Variants in CDK13 observed in about 807,000 individuals in gnomAD.
The protein encoded by CDK13 is cyclin-dependent kinase 13.
In CDK13, 40 loss-of-function variants were observed where a neutral mutation model predicts 137.6. The observed-to-expected ratio is 0.29, with a 90% CI of 0.23 to 0.38. The LOEUF (loss-of-function observed/expected upper bound fraction) is 0.38, where lower values mean the gene tolerates loss of function less well. Among genes scored for constraint, CDK13 ranks in the 10% least tolerant of loss-of-function variants. The pLI, the probability that CDK13 is intolerant of heterozygous loss-of-function variation, is 1.00. For synonymous variants in CDK13, 869 were observed against 760.1 expected (o/e 1.14, Z -2.36); for missense variants, 1,704 against 1,951.8 (o/e 0.87, Z 2.39).
rs1786967641 is a variant in CDK13, at chr7:40,093,253, C to T, written c.3688+16C>T. 3 of 1,581,688 alleles carry T rather than the reference C, an allele frequency of 1.9e-6. No homozygotes were observed. The highest frequency in any genetic ancestry group is 4.5e-5 in the East Asian group (2 of 44,692). On this transcript the variant is annotated intron_variant, in intron 13 of 13. Transcript: ENST00000181839. ...CCGGTGTCGGGTAAGTGTGCAGATA[C>T]CAGACCACTAACACAGCTGCATTAC...
At chr7:40,032,257 G>A (rs1256085698) in intron 5 of CDK13, among the ~76,000 whole-genome samples, 1 of 152,150 alleles carries the variant, frequency 6.6e-6, no homozygotes, top group Admixed American at 6.6e-5. Context: ...TTTTTGGAGA[G>A]ACAGGGTTTT....
chr7:39,966,716 G>T lies in CDK13; in HGVS notation c.1211+14864G>T, dbSNP rs535292820. On this transcript the variant is annotated intron_variant, in intron 1 of 13. Coordinates refer to ENST00000181839, the MANE Select transcript of CDK13 (RefSeq NM_003718.5). ...GATTTTTAGATTTTTCAGTTTTTCC[G>T]CTCTGTTTTTCCCCATCTTTGTGGT... Among the ~76,000 whole-genome samples, 9 of 152,144 alleles carry T rather than the reference G, an allele frequency of 5.9e-5. No homozygotes were observed. In the South Asian group the frequency reaches 1.9e-3, roughly 32 times the overall value.
At chr7:40,011,655 A>G (rs1364701455) in intron 5 of CDK13, among the ~76,000 whole-genome samples, 3 of 152,216 alleles carry the variant, frequency 2.0e-5, no homozygotes, top group Non-Finnish European at 4.4e-5. Context: ...AGTGACTTAA[A>G]TGTAAGCACT....
intron 12 of CDK13, among the ~76,000 whole-genome samples, chr7:40,089,765 CT>C (rs1786879782): frequency 6.8e-6 from 1 of 147,530 alleles, no homozygotes; most frequent in Non-Finnish European, 1.5e-5. Flanking sequence ...TAGGTGGTGG[CT>C]TATTAAACAT....
At chr7:40,041,506 T>G (rs1785604553) in intron 5 of CDK13, among the ~76,000 whole-genome samples, 1 of 152,206 alleles carries the variant, frequency 6.6e-6, no homozygotes, top group African/African-American at 2.4e-5. Context: ...TCTATATACT[T>G]TTAATAATTC....
chr7:39,992,086 C>T (rs1190762065), intron 2 of CDK13, among the ~76,000 whole-genome samples: 1 of 31,592 alleles, frequency 3.2e-5, no homozygotes, highest in Non-Finnish European at 7.8e-5. Context: ...CACACACACA[C>T]ACACACACAC....
chr7:39,966,664 G>C (rs899797199), intron 1 of CDK13, among the ~76,000 whole-genome samples: 7 of 152,160 alleles, frequency 4.6e-5, no homozygotes, highest in Admixed American at 2.0e-4. Flanking sequence ...GAGGAGCTGC[G>C]TTCCTTTGGA....
At chr7:40,086,695 A>C (rs535642496) in intron 11 of CDK13, among the ~76,000 whole-genome samples, 59 of 152,178 alleles carry the variant, frequency 3.9e-4, no homozygotes, top group Non-Finnish European at 5.9e-4. Flanking sequence ...ACCTATTTTG[A>C]AAACTCGTCT....
intron 1 of CDK13, chr7:39,985,146 C>T (rs1265419988): frequency 1.3e-5 from 2 of 150,334 alleles, no homozygotes; most frequent in African/African-American, 4.9e-5. Context: ...CTCTGGTAAC[C>T]GTCCTTCTAC....
At chr7:40,068,795 T>G (rs1355235240) in intron 9 of CDK13, among the ~76,000 whole-genome samples, 1 of 151,762 alleles carries the variant, frequency 6.6e-6, no homozygotes, top group Non-Finnish European at 1.5e-5. Context: ...GAAGGCTATA[T>G]TGAGATTGAT....
intron 5 of CDK13, among the ~76,000 whole-genome samples, chr7:40,039,084 TCTCA>T (rs1785547722): frequency 6.6e-6 from 1 of 152,276 alleles, no homozygotes; most frequent in African/African-American, 2.4e-5. Context: ...TGTCTCTCTT[TCTCA>T]CTTTTTTGTA....
intron 12 of CDK13, among the ~76,000 whole-genome samples, chr7:40,089,437 CA>C (rs67433312): frequency 0.61 from 74,794 of 123,572 alleles, 21,447 homozygotes; most frequent in South Asian, 0.71. Flanking sequence ...GAGACTGTCT[CA>C]AAAAAAAAAA....
At chr7:40,009,135 A>T (rs1784847778) in intron 5 of CDK13, among the ~76,000 whole-genome samples, 1 of 152,212 alleles carries the variant, frequency 6.6e-6, no homozygotes, top group African/African-American at 2.4e-5. Context: ...CACTATCATC[A>T]TTTGTCTATA....
chr7:40,036,354 A>G (rs1785483109), intron 5 of CDK13, among the ~76,000 whole-genome samples: 1 of 152,090 alleles, frequency 6.6e-6, no homozygotes. Context: ...CTAAAAGTAG[A>G]TGAGGTCAGG....
chr7:40,003,198 ACACACACACTCTCTCT>A (rs1158129518), intron 5 of CDK13, among the ~76,000 whole-genome samples: 66 of 89,416 alleles, frequency 7.4e-4, no homozygotes, highest in South Asian at 1.5e-3. Flanking sequence ...ACACACACAC[ACACACACACTCTCTCT>A]CTCTCTCTCT....
At chr7:39,978,046 T>A (rs1179470090) in intron 1 of CDK13, among the ~76,000 whole-genome samples, 1 of 152,126 alleles carries the variant, frequency 6.6e-6, no homozygotes, top group East Asian at 1.9e-4. Flanking sequence ...CTTAATAGTT[T>A]TAGCTGTATT....
intron 1 of CDK13, among the ~76,000 whole-genome samples, chr7:39,959,589 C>T (rs527240449): frequency 1.9e-4 from 29 of 152,184 alleles, no homozygotes; most frequent in South Asian, 1.2e-3. Flanking sequence ...CTCAGCCTCC[C>T]GAGTAGCTGG....
intron 2 of CDK13, among the ~76,000 whole-genome samples, chr7:39,988,991 G>A (rs1409819715): frequency 6.7e-6 from 1 of 148,710 alleles, no homozygotes; most frequent in Non-Finnish European, 1.5e-5. Context: ...GGCTGAGGCA[G>A]GAGAGTCACT....
intron 2 of CDK13, among the ~76,000 whole-genome samples, chr7:39,989,057 C>T (rs1784401445): frequency 8.1e-6 from 1 of 124,088 alleles, no homozygotes; most frequent in African/African-American, 3.0e-5. Context: ...GCACTCCAGC[C>T]TGGGTGACAC....
Sources: gnomAD v4.1 joint callset for allele counts (sites outside exome capture counted in the v4.1 genomes callset) on GRCh38, gnomAD v4.1.1 for gene constraint, MANE v1.5 for transcripts, NCBI Gene and HGNC (gene_info 2026-07-23, HGNC 2026-07-21) for gene names.